CACNA1S: variants seen among roughly 807,000 people sequenced by gnomAD.
CACNA1S encodes the protein voltage-dependent L-type calcium channel subunit alpha-1S.
A neutral mutation model predicts 207.4 loss-of-function variants in CACNA1S; 126 were observed. The ratio of observed to expected loss-of-function variants is 0.61; its 90% confidence interval spans 0.53 to 0.70. The LOEUF (loss-of-function observed/expected upper bound fraction) is 0.70. Ranked by LOEUF, CACNA1S falls within the 30% of genes least tolerant of loss-of-function variation. The pLI, the probability that CACNA1S is intolerant of heterozygous loss-of-function variation, is 0.00. For missense variants in CACNA1S, 2,349 were observed against 2,422.8 expected (o/e 0.97, Z 0.64); for synonymous variants, 960 against 932.7 (o/e 1.03, Z -0.53).
intron 2 of CACNA1S, among the ~76,000 whole-genome samples, chr1:201,099,708 A>C (rs1340677986): frequency 3.3e-5 from 5 of 152,200 alleles, no homozygotes; most frequent in Non-Finnish European, 7.3e-5. Flanking sequence ...GAAGCTCTCC[A>C]CACAGGCTTG....
intron 2 of CACNA1S, among the ~76,000 whole-genome samples, chr1:201,098,935 G>A (rs1015186236): frequency 2.0e-5 from 3 of 152,078 alleles, no homozygotes; most frequent in East Asian, 3.9e-4. Context: ...GGAGGTTGGC[G>A]TGGTGTGTGA....
chr1:201,042,172 T>G (rs942659349), intron 40 of CACNA1S, among the ~76,000 whole-genome samples: 1 of 152,206 alleles, frequency 6.6e-6, no homozygotes, highest in Non-Finnish European at 1.5e-5. Flanking sequence ...AGTCTTGTTC[T>G]CTCACCCAGG....
intron 38 of CACNA1S, among the ~76,000 whole-genome samples, chr1:201,046,620 G>T (rs1660480472): frequency 6.6e-6 from 1 of 151,720 alleles, no homozygotes; most frequent in African/African-American, 2.4e-5. Context: ...TCGGTTCACT[G>T]CAACCTCCGC....
In CACNA1S at chr1:201,039,814, C is replaced by G; in HGVS notation, c.*17G>C. On this transcript the variant is annotated 3_prime_UTR_variant, in exon 44 of 44. Transcript: ENST00000362061. ...TGGTCATGCCAGCTCTAAGCCCATG[C>G]TGATGCTGTGTGGGCATCACAGCCT... The G allele has an allele frequency of 6.2e-7, 1 of 1,601,662 alleles. No individual in the cohort carries two copies.
intron 13 of CACNA1S, among the ~76,000 whole-genome samples, chr1:201,075,062 T>G (rs939308621): frequency 6.6e-5 from 10 of 152,142 alleles, no homozygotes; most frequent in African/African-American, 2.4e-4. Flanking sequence ...TCTGCTCCTC[T>G]CATCTCTCAG....
At chr1:201,048,790 TG>T in intron 35 of CACNA1S, 106 bp from the exon 36 acceptor site, 1 of 1,014,704 alleles carries the variant, frequency 9.9e-7, no homozygotes. Context: ...ACACGAGGGC[TG>T]GGGGTGTCAG....
At position 201,086,648 on chromosome 1, in the gene CACNA1S, G is replaced by A. The variant is rs942165557; in HGVS notation, c.1005-1067C>T. Among the ~76,000 whole-genome samples, 4 of 152,214 alleles carry A rather than the reference G, an allele frequency of 2.6e-5. No homozygotes were observed. The South Asian group carries it at 6.2e-4, about 24-fold the overall frequency. On this transcript the variant is annotated intron_variant, in intron 7 of 43. Coordinates refer to ENST00000362061, the MANE Select transcript of CACNA1S (RefSeq NM_000069.3). ...CGCACCACTGTTGTGGATGCAGCCCGTCATTGACTGAAATGTCATCATGCA... is the reference window on the plus strand; with the variant it reads ...CGCACCACTGTTGTGGATGCAGCCCATCATTGACTGAAATGTCATCATGCA...
Position 201,066,412 on chromosome 1 carries a change from G to T in CACNA1S, c.2658-96C>A. 1 of 1,062,824 alleles carries T rather than the reference G, an allele frequency of 9.4e-7. No individual in the cohort carries two copies. Among genetic ancestry groups the T allele is most frequent in the Non-Finnish European group, 1.4e-6 (1 of 691,600 alleles). The allele number at this position is 1,062,824 out of a possible 1,614,324, so 65.8% of individuals were successfully genotyped here. ...CAGCCATATCCTGCCCTCCACACCA[G>T]CTGCCTTTCTGCCTGAAAACACTCC... On this transcript the variant is annotated intron_variant, in intron 20 of 43. Coordinates refer to ENST00000362061, the MANE Select transcript of CACNA1S (RefSeq NM_000069.3). This position sits in a 1 kb window ranked among gnomAD's most constrained non-coding sequence, Gnocchi z 4.3.
intron 37 of CACNA1S, 115 bp from the exon 38 acceptor site, chr1:201,047,354 G>T: frequency 1.4e-6 from 2 of 1,459,730 alleles, no homozygotes; most frequent in Non-Finnish European, 1.9e-6. Context: ...TTGTCTTGCT[G>T]ACTTGGTCAC....
At position 201,074,504 on chromosome 1, in the gene CACNA1S, A is replaced by C. The variant is rs1383217453; in HGVS notation, c.2063+2T>G. ...GTCCCTTCCTGCTAAGGAAGCACTC[A>C]CTTGGACATCTTCCTGCGTTTTTTC... is the stretch of plus-strand genomic sequence containing the variant. On this transcript the variant is annotated splice_donor_variant, in intron 14 of 43. Transcript: ENST00000362061. LOFTEE classifies it high-confidence loss of function. 3 of 1,594,504 alleles carry C rather than the reference A, an allele frequency of 1.9e-6. No individual in the cohort carries two copies. Among genetic ancestry groups the C allele is most frequent in the Non-Finnish European group, 1.7e-6 (2 of 1,162,476 alleles).
intron 10 of CACNA1S, among the ~76,000 whole-genome samples, chr1:201,078,336 C>T: frequency 6.6e-6 from 1 of 152,034 alleles, no homozygotes; most frequent in South Asian, 2.1e-4. Flanking sequence ...ATCCTCCCCA[C>T]TACCGGCATG....
chr1:201,061,371 G>A lies in CACNA1S; in HGVS notation c.3151C>T (p.Leu1051Phe). 6.2e-7 allele frequency: 1 copy of A among 1,614,198 alleles called. No individual in the cohort carries two copies. The highest frequency in any genetic ancestry group is 8.5e-7 in the Non-Finnish European group (1 of 1,180,014). ...ATGTTCATCATGAAGAAGGCAATGA[G>A]GATGATGTAGATGATGAAGAAGATG... ...MAIFFIIYII[L>F]IAFFMMNIFV... is the part of the protein sequence containing the mutation. The change falls in exon 25 of 44, where the codon CTC (leucine) becomes TTC (phenylalanine). Residue 1051 changes from leucine (L) to phenylalanine (F), a missense_variant. Physicochemically the swap from Leu to Phe is conservative, Grantham distance 22. Transcript: ENST00000362061.
In CACNA1S at chr1:201,075,558, C is replaced by T. The variant is rs147888089; in HGVS notation, c.1885G>A (p.Gly629Arg). The change falls in exon 13 of 44, where the codon GGG becomes AGG. Residue 629 changes from glycine (G) to arginine (R), a missense_variant. Coordinates refer to ENST00000362061, the MANE Select transcript of CACNA1S (RefSeq NM_000069.3). ...ACAAGCATGCCAGGGTAGGACGGCCCGCCGTAGGCCATGATCCCATTGTAC... is the reference window on the plus strand; with the variant it reads ...ACAAGCATGCCAGGGTAGGACGGCCTGCCGTAGGCCATGATCCCATTGTAC... ...MMYNGIMAYG[G>R]PSYPGMLVCI... 108 of 1,614,090 alleles carry T rather than the reference C, an allele frequency of 6.7e-5. 1 individual carries two copies. The highest frequency in any genetic ancestry group is 1.1e-4 in the African/African-American group (8 of 75,016).
chr1:201,057,865 C>A (rs543817440), intron 28 of CACNA1S, among the ~76,000 whole-genome samples: 1 of 152,282 alleles, frequency 6.6e-6, no homozygotes, highest in South Asian at 2.1e-4. Context: ...GTTTAAAAAC[C>A]TTTAGTGACT....
At chr1:201,089,134 G>T in intron 6 of CACNA1S, 124 bp downstream of exon 6, 1 of 853,630 alleles carries the variant, frequency 1.2e-6, no homozygotes, top group Non-Finnish European at 2.0e-6. Flanking sequence ...AGGAGCAAGA[G>T]GGAGCTGTGG....
At position 201,089,703 on chromosome 1, in the gene CACNA1S, G is replaced by A. The variant is rs1276676950; in HGVS notation, c.695-240C>T. On this transcript the variant is annotated intron_variant, in intron 5 of 43. Transcript: ENST00000362061. The stretch of plus-strand genomic sequence containing the variant: ...GGCCCCTGGGCCTCATGGCAGGGTC[G>A]GCTTCTAGGATTAATTGTCCTAAGC... Among the ~76,000 whole-genome samples, 6 of 152,166 alleles carry A rather than the reference G, an allele frequency of 3.9e-5. No individual in the cohort carries two copies. The East Asian group carries it at 5.8e-4, about 15-fold the overall frequency.
intron 16 of CACNA1S, among the ~76,000 whole-genome samples, chr1:201,070,691 G>A (rs1043365674): frequency 3.9e-5 from 6 of 152,096 alleles, no homozygotes; most frequent in Admixed American, 6.5e-5. Flanking sequence ...CTCAAGGCTC[G>A]ATCCACACAG....
chr1:201,062,221 G>A (rs1402612548), intron 23 of CACNA1S, 131 bp from the exon 24 acceptor site: 57 of 1,197,154 alleles, frequency 4.8e-5, no homozygotes, highest in African/African-American at 6.0e-5. Context: ...AGGGGACACC[G>A]CTGGGCGAGT....
In CACNA1S at chr1:201,069,125, G is replaced by A. The variant is rs1404923005; in HGVS notation, c.2550+12C>T. On this transcript the variant is annotated intron_variant, in intron 19 of 43. Coordinates refer to ENST00000362061, the MANE Select transcript of CACNA1S (RefSeq NM_000069.3). ...ACTCCCTCCCCAGGGCTGCCCCACA[G>A]CCTTCACTCACCTTGAGGACAATCT... The A allele has an allele frequency of 1.2e-6, 2 of 1,612,838 alleles. No homozygotes were observed. Among genetic ancestry groups the A allele is most frequent in the South Asian group, 1.1e-5 (1 of 91,028 alleles).
Sources: allele counts gnomAD v4.1 joint callset (sites outside exome capture counted in the v4.1 genomes callset), GRCh38; gene constraint gnomAD v4.1.1; non-coding constraint Gnocchi (gnomAD v3.1); transcripts MANE v1.5; gene names NCBI Gene and HGNC (gene_info 2026-07-23, HGNC 2026-07-21).